The following ARSJ variants were observed in gnomAD, a reference collection of about 807,000 sequenced individuals.
ARSJ encodes arylsulfatase family member J.
In ARSJ, 26 loss-of-function variants were observed where a neutral mutation model predicts 35.9. The ratio of observed to expected loss-of-function variants is 0.72; its 90% confidence interval spans 0.53 to 1.00. The LOEUF is 1.00. ARSJ is among the 50% of genes least tolerant of loss of function. ARSJ has a pLI of 0.00. For missense variants in ARSJ, 667 were observed against 723.6 expected (o/e 0.92, Z 0.90); for synonymous variants, 294 against 267.6 (o/e 1.10, Z -0.96).
intron 1 of ARSJ, among the ~76,000 whole-genome samples, chr4:113,977,329 T>C (rs774007962): frequency 2.6e-5 from 4 of 152,230 alleles, no homozygotes; most frequent in Non-Finnish European, 4.4e-5. Flanking sequence ...CTGGCAATGA[T>C]GCTAAGTTCT....
At chr4:113,968,943 A>G (rs1727063848) in intron 1 of ARSJ, among the ~76,000 whole-genome samples, 1 of 152,214 alleles carries the variant, frequency 6.6e-6, no homozygotes, top group South Asian at 2.1e-4. Context: ...AAAACAATAT[A>G]TTAATTCAAA....
At chr4:113,945,178 T>G (rs916121503) in intron 1 of ARSJ, among the ~76,000 whole-genome samples, 1 of 152,066 alleles carries the variant, frequency 6.6e-6, no homozygotes, top group Admixed American at 6.6e-5. Flanking sequence ...GTCTTACTCT[T>G]GTCACCCAGG....
intron 1 of ARSJ, among the ~76,000 whole-genome samples, chr4:113,931,234 C>T (rs1451092937): frequency 6.6e-6 from 1 of 151,972 alleles, no homozygotes; most frequent in Non-Finnish European, 1.5e-5. Context: ...CTACCCTTGG[C>T]TCAGCCTCCT....
chr4:113,963,523 C>A (rs372880821), intron 1 of ARSJ, among the ~76,000 whole-genome samples: 3 of 152,010 alleles, frequency 2.0e-5, no homozygotes, highest in African/African-American at 7.2e-5. Context: ...ATGGGGGTAA[C>A]GCCACCATGA....
intron 1 of ARSJ, among the ~76,000 whole-genome samples, chr4:113,917,455 C>T (rs914764533): frequency 2.6e-5 from 4 of 152,032 alleles, no homozygotes; most frequent in African/African-American, 9.7e-5. Context: ...AGTGAAAATG[C>T]ATGTAAAAGT....
intron 1 of ARSJ, among the ~76,000 whole-genome samples, chr4:113,931,156 C>T (rs1724422166): frequency 6.6e-6 from 1 of 150,906 alleles, no homozygotes; most frequent in Non-Finnish European, 1.5e-5. Context: ...GCACATGTAC[C>T]CTAAAACATA....
At chr4:113,974,079 G>A (rs7657631) in intron 1 of ARSJ, among the ~76,000 whole-genome samples, 1 of 151,750 alleles carries the variant, frequency 6.6e-6, no homozygotes, top group Non-Finnish European at 1.5e-5. Flanking sequence ...GGGTCAAATG[G>A]GTATACACAT....
intron 1 of ARSJ, among the ~76,000 whole-genome samples, chr4:113,916,476 G>T (rs546774914): frequency 9.9e-5 from 15 of 152,056 alleles, no homozygotes; most frequent in Non-Finnish European, 1.8e-4. Context: ...ATTGCAAATT[G>T]TAAAATTTTA....
chr4:113,935,690 T>C (rs1293200662), intron 1 of ARSJ, among the ~76,000 whole-genome samples: 4 of 151,948 alleles, frequency 2.6e-5, no homozygotes, highest in Non-Finnish European at 5.9e-5. Flanking sequence ...TTTGTGTATA[T>C]GTATGTCCAC....
In ARSJ at chr4:113,901,786, A is replaced by ATAT. The variant is rs1446608185; in HGVS notation, c.*485_*487dup. 1 of 161,626 alleles carries ATAT rather than the reference A, an allele frequency of 6.2e-6. No individual in the cohort carries two copies. Among genetic ancestry groups the ATAT allele is most frequent in the African/African-American group, 2.4e-5 (1 of 41,546 alleles). 10.0% of individuals were successfully genotyped at this position (161,626 alleles called of 1,614,324 possible). A position where few individuals can be genotyped will look rare whatever the true frequency, so the allele number is the denominator to read the frequency against. ...ACATACAAAAATTCACCAAGAAAAT[A>ATAT]TATTCTTCAAGGCCTTTGAGGTGAC... On this transcript the variant is annotated 3_prime_UTR_variant, in exon 2 of 2. Transcript: ENST00000315366.
chr4:113,904,441 C>T (rs1192504430), intron 1 of ARSJ, among the ~76,000 whole-genome samples: 1 of 152,146 alleles, frequency 6.6e-6, no homozygotes, highest in African/African-American at 2.4e-5. Flanking sequence ...ACTAAAAATA[C>T]AAGGAAAAAT....
At chr4:113,904,103 A>G (rs1438760040) in intron 1 of ARSJ, among the ~76,000 whole-genome samples, 1 of 140,158 alleles carries the variant, frequency 7.1e-6, no homozygotes, top group Non-Finnish European at 1.6e-5. Context: ...TTTTTTTTGT[A>G]TTTTTAGTAG....
At chr4:113,973,582 G>T (rs1382203019) in intron 1 of ARSJ, among the ~76,000 whole-genome samples, 1 of 152,058 alleles carries the variant, frequency 6.6e-6, no homozygotes, top group Non-Finnish European at 1.5e-5. Context: ...ATCTCAAGTG[G>T]GCTCTCGTTA....
chr4:113,960,350 G>C (rs1726468427), intron 1 of ARSJ, among the ~76,000 whole-genome samples: 2 of 151,994 alleles, frequency 1.3e-5, no homozygotes, highest in Admixed American at 1.3e-4. Context: ...AAAAATTTGA[G>C]AGTTTGAGAT....
Position 113,972,311 on chromosome 4 carries a change from A to G in ARSJ, c.398+6126T>C, listed in dbSNP as rs1050304700. ...TGATCTGGAAAAAAAAAAAAACAAA[A>G]AAAAAAACCCCACCATGATTTTCAT... On this transcript the variant is annotated intron_variant, in intron 1 of 1. Coordinates refer to ENST00000315366, the MANE Select transcript of ARSJ (RefSeq NM_024590.4). 4.0e-5 allele frequency among the ~76,000 whole-genome samples: 6 copies of G among 149,854 alleles called. No homozygotes were observed. In the South Asian group the frequency reaches 8.5e-4, roughly 21 times the overall value.
Position 113,902,688 on chromosome 4 carries a change from G to A in ARSJ, c.1386C>T (p.Gly462=). 1.9e-6 allele frequency: 3 copies of A among 1,614,180 alleles called. No homozygotes were observed. Among genetic ancestry groups the A allele is most frequent in the Non-Finnish European group, 2.5e-6 (3 of 1,180,036 alleles). The change falls in exon 2 of 2, where the codon GGC becomes GGT. Residue 462 remains glycine, a synonymous_variant. Transcript: ENST00000315366. The part of the protein sequence containing the change: ...QHWKLLTGNP[G]YSDWVPPQSF... ...ACTGAGGGGGGACCCAGTCGCTGTA[G>A]CCAGGATTTCCTGTAAGCAATTTCC... is the stretch of plus-strand genomic sequence containing the variant.
rs2099670231 is a variant in ARSJ, at chr4:113,910,890, A to C, written c.399-7215T>G. ...TTATTATGACAGGACTAAGTGTTAG[A>C]GTAGAGAACCACAGCATTTTATAAG... is the stretch of plus-strand genomic sequence containing the variant. On this transcript the variant is annotated intron_variant, in intron 1 of 1. Coordinates refer to ENST00000315366, the MANE Select transcript of ARSJ (RefSeq NM_024590.4). Among the ~76,000 whole-genome samples the C allele has an allele frequency of 2.6e-5, 4 of 152,294 alleles. No individual in the cohort carries two copies. The South Asian group carries it at 8.3e-4, about 32-fold the overall frequency.
chr4:113,953,304 C>T (rs537901318), intron 1 of ARSJ, among the ~76,000 whole-genome samples: 2 of 152,186 alleles, frequency 1.3e-5, no homozygotes, highest in African/African-American at 4.8e-5. Flanking sequence ...GGTGAGTGGA[C>T]ACATCTTCTC....
chr4:113,922,916 A>G (rs948337138), intron 1 of ARSJ, among the ~76,000 whole-genome samples: 6 of 152,146 alleles, frequency 3.9e-5, no homozygotes, highest in African/African-American at 1.4e-4. Flanking sequence ...GTTTCTGTGG[A>G]AGTATTTTTA....
Sources: allele counts gnomAD v4.1 joint callset (sites outside exome capture counted in the v4.1 genomes callset), GRCh38; gene constraint gnomAD v4.1.1; transcripts MANE v1.5; gene names NCBI Gene and HGNC (gene_info 2026-07-23, HGNC 2026-07-21).